The following SF3A3 variants were observed in gnomAD, a reference collection of about 807,000 sequenced individuals.
The protein encoded by SF3A3 is splicing factor 3a subunit 3.
A neutral mutation model predicts 85.8 loss-of-function variants in SF3A3; 9 were observed. The observed-to-expected ratio is 0.10, with a 90% CI of 0.06 to 0.18. SF3A3 has a LOEUF of 0.18. Among genes scored for constraint, SF3A3 ranks in the 10% least tolerant of loss-of-function variants. The pLI, the probability that SF3A3 is intolerant of heterozygous loss-of-function variation, is 1.00. For missense variants in SF3A3, 306 were observed against 593.3 expected (o/e 0.52, Z 5.03); for synonymous variants, 195 against 204.4 (o/e 0.95, Z 0.39).
At position 37,969,272 on chromosome 1, in the gene SF3A3, A is replaced by G. The variant is rs895410184; in HGVS notation, c.1281+82T>C. 3.8e-5 allele frequency: 39 copies of G among 1,013,604 alleles called. 1 individual carries two copies. Among genetic ancestry groups the G allele is most frequent in the Non-Finnish European group, 5.6e-5 (36 of 642,876 alleles). The allele number at this position is 1,013,604 out of a possible 1,614,324, so 62.8% of individuals were successfully genotyped here. A position where few individuals can be genotyped will look rare whatever the true frequency, so the allele number is the denominator to read the frequency against. ...CTTCAGCTCTGGACACCAGTGGTCCACATAGGCTGCTCCTACTCTTTTCTC... is the reference window on the plus strand; with the variant it reads ...CTTCAGCTCTGGACACCAGTGGTCCGCATAGGCTGCTCCTACTCTTTTCTC... On this transcript the variant is annotated intron_variant, in intron 14 of 16. Transcript: ENST00000373019.
At chr1:37,968,343 T>C (rs1646316743) in intron 14 of SF3A3, among the ~76,000 whole-genome samples, 1 of 152,190 alleles carries the variant, frequency 6.6e-6, no homozygotes, top group African/African-American at 2.4e-5. Flanking sequence ...TTTGCCTCAC[T>C]GGGTTGGCTT....
At chr1:37,985,648 T>C (rs1393430962) in intron 4 of SF3A3, among the ~76,000 whole-genome samples, 1 of 152,212 alleles carries the variant, frequency 6.6e-6, no homozygotes, top group African/African-American at 2.4e-5. Flanking sequence ...GGCATCCTTC[T>C]AATCAGTTAT....
chr1:37,962,377 G>C (rs1646267077), intron 15 of SF3A3, among the ~76,000 whole-genome samples: 1 of 147,494 alleles, frequency 6.8e-6, no homozygotes. Context: ...GCTAAGGTGG[G>C]CAGATCACCT....
Position 37,984,210 on chromosome 1 carries a change from G to A in SF3A3, c.427C>T (p.His143Tyr), listed in dbSNP as rs1193134743. Residue 143 changes from histidine to tyrosine, a missense_variant, in exon 6 of 17, where the codon CAT (histidine) becomes TAT (tyrosine). Physicochemically the swap from His to Tyr is moderately conservative, Grantham distance 83. Transcript: ENST00000373019. The stretch of plus-strand genomic sequence containing the variant: ...TTAATGTACTTGAGGTAACAGTCAT[G>A]GAGATCGAGATAACGACCATATCCC... Reference protein sequence around the residue: ...EEGYGRYLDLHDCYLKYINLK... With the variant: ...EEGYGRYLDLYDCYLKYINLK... The A allele has an allele frequency of 4.1e-5, 66 of 1,609,816 alleles. No individual in the cohort carries two copies. Among genetic ancestry groups the A allele is most frequent in the Non-Finnish European group, 5.1e-5 (60 of 1,177,108 alleles).
At chr1:37,977,027 T>A in intron 11 of SF3A3, 74 bp from the exon 12 acceptor site, 2 of 987,990 alleles carry the variant, frequency 2.0e-6, no homozygotes, top group Non-Finnish European at 3.2e-6. Context: ...TCTGGGAACA[T>A]TTATTGCACA....
chr1:37,965,173 T>A (rs1201601286), intron 15 of SF3A3, among the ~76,000 whole-genome samples: 7 of 148,574 alleles, frequency 4.7e-5, no homozygotes, highest in African/African-American at 1.7e-4. Context: ...AAATAAAAAA[T>A]AAAAAAATAA....
chr1:37,968,277 G>A, intron 14 of SF3A3, 143 bp from the exon 15 acceptor site: 2 of 647,096 alleles, frequency 3.1e-6, no homozygotes, highest in South Asian at 3.5e-5. Flanking sequence ...ATTCATGTTT[G>A]TAAACAGCTG....
intron 12 of SF3A3, among the ~76,000 whole-genome samples, chr1:37,974,464 G>T (rs549415277): frequency 1.3e-5 from 2 of 151,942 alleles, no homozygotes; most frequent in Non-Finnish European, 2.9e-5. Context: ...CACTATGCCT[G>T]GCTAATTTTT....
chr1:37,989,108 G>A (rs1486079034), intron 2 of SF3A3, among the ~76,000 whole-genome samples: 1 of 151,864 alleles, frequency 6.6e-6, no homozygotes, highest in African/African-American at 2.4e-5. Flanking sequence ...TGACCAACAT[G>A]TTTAGTAGAA....
chr1:37,987,507 C>T, intron 4 of SF3A3, 66 bp downstream of exon 4: 2 of 1,197,298 alleles, frequency 1.7e-6, no homozygotes, highest in South Asian at 1.2e-5. Flanking sequence ...GTCCAGTTTC[C>T]TTTATACCTT....
chr1:37,989,849 C>T (rs775464886), intron 1 of SF3A3, 21 bp downstream of exon 1: 7 of 1,586,162 alleles, frequency 4.4e-6, no homozygotes, highest in Middle Eastern at 1.7e-4. Flanking sequence ...CTGCCGCAGC[C>T]TCTGCTCAGG....
intron 15 of SF3A3, among the ~76,000 whole-genome samples, chr1:37,965,882 T>C (rs28450036): frequency 0.25 from 38,172 of 151,756 alleles, 5,118 homozygotes; most frequent in Middle Eastern, 0.38. Flanking sequence ...AACAGTGAAA[T>C]GTGACATAGA....
intron 12 of SF3A3, among the ~76,000 whole-genome samples, chr1:37,969,943 C>T (rs999181270): frequency 6.6e-6 from 1 of 152,192 alleles, no homozygotes; most frequent in Admixed American, 6.5e-5. Context: ...GGTTTTACAT[C>T]ACTTGCCTAA....
At chr1:37,962,616 A>AT (rs1359798602) in intron 15 of SF3A3, among the ~76,000 whole-genome samples, 2 of 151,354 alleles carry the variant, frequency 1.3e-5, no homozygotes, top group Non-Finnish European at 2.9e-5. Context: ...AAAAAAAAAA[A>AT]AAAAAAAAGA....
chr1:37,981,564 G>C (rs115190749), intron 7 of SF3A3, among the ~76,000 whole-genome samples, 165 bp downstream of exon 7: 1 of 152,100 alleles, frequency 6.6e-6, no homozygotes, highest in South Asian at 2.1e-4. Context: ...CCAGACTATC[G>C]CAAAGGTTTT....
At position 37,980,658 on chromosome 1, in the gene SF3A3, C is replaced by T. The variant is rs1407296197; in HGVS notation, c.618G>A (p.Gln206=). 6.2e-7 allele frequency: 1 copy of T among 1,613,924 alleles called. No individual in the cohort carries two copies. Among genetic ancestry groups the T allele is most frequent in the African/African-American group, 1.3e-5 (1 of 74,888 alleles). Residue 206 remains glutamine, a synonymous_variant, in exon 8 of 17, where the codon CAG becomes CAA. Coordinates refer to ENST00000373019, the MANE Select transcript of SF3A3 (RefSeq NM_006802.4). ...YTDRVKPLQD[Q]NELFGKIQAE... The stretch of plus-strand genomic sequence containing the variant: ...CCTGAATCTTCCCAAAAAGTTCATT[C>T]TGATCTTGGAGAGGCTTCACTCTAT...
chr1:37,981,384 C>A (rs1646417629), intron 7 of SF3A3, among the ~76,000 whole-genome samples: 1 of 152,134 alleles, frequency 6.6e-6, no homozygotes, highest in Admixed American at 6.6e-5. Flanking sequence ...TACATCACAC[C>A]TAAGCATCTC....
chr1:37,971,783 A>G (rs1438772636), intron 12 of SF3A3, among the ~76,000 whole-genome samples: 4 of 152,200 alleles, frequency 2.6e-5, no homozygotes, highest in South Asian at 4.1e-4. Flanking sequence ...AGATGCAGAA[A>G]AGGCCTTTGA....
chr1:37,972,140 A>G (rs903926608), intron 12 of SF3A3, among the ~76,000 whole-genome samples: 3 of 152,248 alleles, frequency 2.0e-5, no homozygotes, highest in African/African-American at 7.2e-5. Flanking sequence ...CCTTAAGCTG[A>G]TAAGCAACTT....
Sources: gnomAD v4.1 joint callset for allele counts (sites outside exome capture counted in the v4.1 genomes callset) on GRCh38, gnomAD v4.1.1 for gene constraint, MANE v1.5 for transcripts, NCBI Gene and HGNC (gene_info 2026-07-23, HGNC 2026-07-21) for gene names.